The following RALGAPA2 variants were observed in gnomAD, a reference collection of about 807,000 sequenced individuals.
RALGAPA2 encodes the protein ral GTPase-activating protein subunit alpha-2.
RALGAPA2 carries 139 observed loss-of-function variants against 230.4 expected under a neutral mutation model. That is an observed-to-expected ratio of 0.60 (90% CI 0.53 to 0.69). The LOEUF (loss-of-function observed/expected upper bound fraction) is 0.69, where lower values mean the gene tolerates loss of function less well. Ranked by LOEUF, RALGAPA2 falls within the 30% of genes least tolerant of loss-of-function variation. RALGAPA2 has a pLI of 0.00. For missense variants in RALGAPA2, 2,163 were observed against 2,276.0 expected, an observed-to-expected ratio of 0.95 and a Z score of 1.01; for synonymous variants, 847 against 837.8, an observed-to-expected ratio of 1.01 and a Z score of -0.19.
chr20:20,635,562 C>T lies in RALGAPA2; in HGVS notation c.861G>A (p.Glu287=), dbSNP rs769629302. The change falls in exon 9 of 40, where the codon GAG becomes GAA. Residue 287 remains glutamate, a synonymous_variant. Coordinates refer to ENST00000202677, the MANE Select transcript of RALGAPA2 (RefSeq NM_020343.4). ...PVYITTTRDN[E]NIYSTKIPYM... ...ATGGAATCTTTGTACTGTAAATGTT[C>T]TCATTGTCTCGAGTGGTAGTAATGT... 5 of 1,584,904 alleles carry T rather than the reference C, an allele frequency of 3.2e-6. No homozygotes were observed. In the African/African-American group the frequency reaches 4.1e-5, roughly 13 times the overall value.
intron 12 of RALGAPA2, among the ~76,000 whole-genome samples, chr20:20,618,597 G>A (rs1025354461): frequency 6.6e-6 from 1 of 152,120 alleles, no homozygotes; most frequent in Non-Finnish European, 1.5e-5. Flanking sequence ...TACATGAGAG[G>A]CCTAAGTGAC....
At chr20:20,521,186 G>T in intron 30 of RALGAPA2, 86 bp from the exon 31 acceptor site, 1 of 1,154,354 alleles carries the variant, frequency 8.7e-7, no homozygotes, top group South Asian at 1.8e-5. Context: ...GCACTTGGCA[G>T]CTAGGACTCC....
intron 37 of RALGAPA2, among the ~76,000 whole-genome samples, chr20:20,430,041 C>A (rs756066188): frequency 6.6e-6 from 1 of 152,226 alleles, no homozygotes; most frequent in Admixed American, 6.5e-5. Context: ...TCCTCTGAGT[C>A]CTGGCCCTGT....
intron 33 of RALGAPA2, among the ~76,000 whole-genome samples, chr20:20,509,650 C>T (rs188671998): frequency 4.6e-5 from 7 of 151,816 alleles, no homozygotes; most frequent in East Asian, 1.9e-4. Context: ...CAATAAGAGG[C>T]GCTCAGTGAC....
chr20:20,650,935 GTTC>G (rs1436747342), intron 4 of RALGAPA2, among the ~76,000 whole-genome samples: 1 of 152,162 alleles, frequency 6.6e-6, no homozygotes, highest in Admixed American at 6.5e-5. Flanking sequence ...GAAAACTGAA[GTTC>G]TTCTGTGTAA....
At chr20:20,680,570 C>T (rs957356023) in intron 2 of RALGAPA2, 121 bp downstream of exon 2, 9 of 1,344,824 alleles carry the variant, frequency 6.7e-6, no homozygotes, top group Non-Finnish European at 8.7e-6. Flanking sequence ...CATGCTCTCA[C>T]AGCTTTGCTA....
intron 1 of RALGAPA2, among the ~76,000 whole-genome samples, chr20:20,693,494 G>A (rs992855131): frequency 6.6e-6 from 1 of 152,030 alleles, no homozygotes; most frequent in African/African-American, 2.4e-5. Flanking sequence ...AATCAAAATC[G>A]CTCCTGAGGG....
chr20:20,514,296 C>G (rs2062807062), intron 31 of RALGAPA2, among the ~76,000 whole-genome samples: 1 of 152,110 alleles, frequency 6.6e-6, no homozygotes, highest in South Asian at 2.1e-4. Flanking sequence ...TTCAAAGCAC[C>G]TGCTCACCCG....
intron 37 of RALGAPA2, among the ~76,000 whole-genome samples, chr20:20,438,178 T>A (rs2060655232): frequency 6.6e-6 from 1 of 152,242 alleles, no homozygotes; most frequent in Non-Finnish European, 1.5e-5. Context: ...TGATACTACC[T>A]GTGACTGTGT....
At chr20:20,435,767 C>T (rs774264542) in intron 37 of RALGAPA2, among the ~76,000 whole-genome samples, 1 of 152,182 alleles carries the variant, frequency 6.6e-6, no homozygotes, top group Non-Finnish European at 1.5e-5. Flanking sequence ...ACGAAGGGAA[C>T]GAGGGACCCC....
chr20:20,631,701 G>C (rs2066677860), intron 9 of RALGAPA2, among the ~76,000 whole-genome samples: 1 of 152,190 alleles, frequency 6.6e-6, no homozygotes, highest in Non-Finnish European at 1.5e-5. Flanking sequence ...AATTTGTACT[G>C]TTTCAAGACA....
At chr20:20,438,518 G>C (rs906743068) in intron 37 of RALGAPA2, among the ~76,000 whole-genome samples, 1 of 152,210 alleles carries the variant, frequency 6.6e-6, no homozygotes, top group Non-Finnish European at 1.5e-5. Flanking sequence ...TAGTGTCCCT[G>C]CTAAGTTCCA....
intron 26 of RALGAPA2, among the ~76,000 whole-genome samples, chr20:20,535,305 G>A (rs919535368): frequency 1.3e-5 from 2 of 152,146 alleles, no homozygotes; most frequent in African/African-American, 4.8e-5. Flanking sequence ...CTTGATCATA[G>A]GTTGCTAGCA....
chr20:20,697,286 C>T (rs2069152659), intron 1 of RALGAPA2, among the ~76,000 whole-genome samples: 1 of 152,096 alleles, frequency 6.6e-6, no homozygotes, highest in Admixed American at 6.6e-5. Context: ...GCTGTGATCA[C>T]ACCACTGCAC....
At chr20:20,648,821 G>GGAAT (rs1603194941) in intron 4 of RALGAPA2, among the ~76,000 whole-genome samples, 1 of 152,090 alleles carries the variant, frequency 6.6e-6, no homozygotes, top group African/African-American at 2.4e-5. Context: ...TTCCACAGAG[G>GGAAT]GAATGGTGGC....
intron 37 of RALGAPA2, among the ~76,000 whole-genome samples, chr20:20,467,221 T>C (rs1016619763): frequency 6.6e-6 from 1 of 152,184 alleles, no homozygotes; most frequent in Non-Finnish European, 1.5e-5. Flanking sequence ...TTATTTTATA[T>C]TTTACCAAAA....
Position 20,639,785 on chromosome 20 carries a change from C to T in RALGAPA2, c.666G>A (p.Gln222=). Residue 222 remains glutamine, a splice_region_variant and synonymous_variant, in exon 7 of 40, where the codon CAG becomes CAA. Coordinates refer to ENST00000202677, the MANE Select transcript of RALGAPA2 (RefSeq NM_020343.4). ...LQILLKYMVI[Q]AASLEWKNKE... ...GAAATAGTCATAATTTTTCTCTGAC[C>T]TGAATAACCATATACTTCAACAGTA... 1 of 1,596,684 alleles carries T rather than the reference C, an allele frequency of 6.3e-7. No homozygotes were observed.
intron 23 of RALGAPA2, among the ~76,000 whole-genome samples, chr20:20,571,197 G>C (rs1166400410): frequency 6.6e-6 from 1 of 152,160 alleles, no homozygotes; most frequent in Non-Finnish European, 1.5e-5. Context: ...CACAGGCAGA[G>C]GTTAGATCAT....
intron 18 of RALGAPA2, among the ~76,000 whole-genome samples, chr20:20,588,464 G>A (rs2065194896): frequency 6.6e-6 from 1 of 152,214 alleles, no homozygotes; most frequent in Admixed American, 6.5e-5. Context: ...GCAAGGGGAT[G>A]ATGAACACAA....
Sources: gnomAD v4.1 joint callset for allele counts (sites outside exome capture counted in the v4.1 genomes callset) on GRCh38, gnomAD v4.1.1 for gene constraint, MANE v1.5 for transcripts, NCBI Gene and HGNC (gene_info 2026-07-23, HGNC 2026-07-21) for gene names.